Variants in THSD7B observed in about 807,000 individuals in gnomAD.
THSD7B encodes the protein thrombospondin type-1 domain-containing protein 7B.
A neutral mutation model predicts 213.6 loss-of-function variants in THSD7B; 138 were observed. The observed-to-expected ratio is 0.65, with a 90% CI of 0.56 to 0.74. The LOEUF is 0.74. THSD7B is among the 30% of genes least tolerant of loss of function. THSD7B has a pLI of 0.00. For synonymous variants in THSD7B, 742 were observed against 687.0 expected (o/e 1.08, Z -1.25); for missense variants, 1,931 against 1,991.5 (o/e 0.97, Z 0.58).
chr2:137,071,413 T>C (rs987214055), intron 3 of THSD7B, among the ~76,000 whole-genome samples: 2 of 152,210 alleles, frequency 1.3e-5, no homozygotes, highest in Admixed American at 1.3e-4. Context: ...TGTTTGTTTT[T>C]TTCTTGTAAA....
intron 15 of THSD7B, among the ~76,000 whole-genome samples, chr2:137,496,407 C>T (rs1487154585): frequency 2.0e-5 from 3 of 152,110 alleles, no homozygotes; most frequent in East Asian, 3.9e-4. Context: ...TGTTAATATG[C>T]GCTCTTACCC....
At chr2:136,992,891 A>G (rs1685815051) in intron 2 of THSD7B, among the ~76,000 whole-genome samples, 1 of 152,210 alleles carries the variant, frequency 6.6e-6, no homozygotes, top group African/African-American at 2.4e-5. Context: ...GCCCAACTTT[A>G]GATTATCTGA....
intron 1 of THSD7B, among the ~76,000 whole-genome samples, chr2:136,779,695 G>A (rs1681694729): frequency 6.6e-6 from 1 of 152,166 alleles, no homozygotes; most frequent in Non-Finnish European, 1.5e-5. Context: ...CCATGGAATG[G>A]CACTATAAAT....
At chr2:136,844,340 C>T (rs928971455) in intron 1 of THSD7B, among the ~76,000 whole-genome samples, 7 of 152,070 alleles carry the variant, frequency 4.6e-5, no homozygotes, top group Non-Finnish European at 7.4e-5. Flanking sequence ...AGCTTAGGAA[C>T]TGGGGCCACT....
intron 15 of THSD7B, among the ~76,000 whole-genome samples, chr2:137,493,993 G>A (rs1435000952): frequency 6.6e-6 from 1 of 152,054 alleles, no homozygotes; most frequent in East Asian, 1.9e-4. Context: ...ATTTTTGAAT[G>A]TAAAATTTTA....
At chr2:137,367,524 A>T (rs1457991187) in intron 12 of THSD7B, among the ~76,000 whole-genome samples, 2 of 152,168 alleles carry the variant, frequency 1.3e-5, no homozygotes, top group Non-Finnish European at 1.5e-5. Context: ...TCAAAAGGTC[A>T]CCAGTTTTTA....
intron 10 of THSD7B, among the ~76,000 whole-genome samples, chr2:137,268,807 G>A (rs1306422923): frequency 6.6e-6 from 1 of 152,136 alleles, no homozygotes; most frequent in African/African-American, 2.4e-5. Flanking sequence ...TCAAGATGGA[G>A]TTGCTCTGGT....
intron 2 of THSD7B, among the ~76,000 whole-genome samples, chr2:136,998,742 G>A (rs1028542752): frequency 6.6e-6 from 1 of 152,086 alleles, no homozygotes. Context: ...CTTTCTGGAG[G>A]ATAGGAACTT....
chr2:136,776,856 G>GTA (rs1446269802), intron 1 of THSD7B, among the ~76,000 whole-genome samples: 1 of 151,882 alleles, frequency 6.6e-6, no homozygotes, highest in Admixed American at 6.6e-5. Context: ...GCTCACACAC[G>GTA]TATGCACACA....
At chr2:137,197,651 G>T (rs1476912277) in intron 7 of THSD7B, among the ~76,000 whole-genome samples, 1 of 152,132 alleles carries the variant, frequency 6.6e-6, no homozygotes, top group Admixed American at 6.5e-5. Context: ...ATGCAGTACT[G>T]TTGGCGCTTT....
At chr2:136,910,745 T>G (rs1185336580) in intron 2 of THSD7B, among the ~76,000 whole-genome samples, 3 of 152,150 alleles carry the variant, frequency 2.0e-5, no homozygotes, top group African/African-American at 7.2e-5. Context: ...TTTGCTATTT[T>G]GTAAATATTA....
chr2:136,779,934 GAGAA>G (rs1363898151), intron 1 of THSD7B, among the ~76,000 whole-genome samples: 1 of 152,154 alleles, frequency 6.6e-6, no homozygotes, highest in Non-Finnish European at 1.5e-5. Flanking sequence ...ACTTGTGGAA[GAGAA>G]AGAGTCTGGT....
chr2:137,188,850 G>A (rs1014890093), intron 7 of THSD7B, among the ~76,000 whole-genome samples: 2 of 152,126 alleles, frequency 1.3e-5, no homozygotes, highest in East Asian at 1.9e-4. Flanking sequence ...GCCATACCAG[G>A]CATTTATCAG....
intron 12 of THSD7B, among the ~76,000 whole-genome samples, chr2:137,282,921 G>C (rs567288921): frequency 1.3e-5 from 2 of 152,218 alleles, no homozygotes; most frequent in South Asian, 4.2e-4. Context: ...CTTTAAAGTA[G>C]TTTTTTTCAA....
chr2:137,643,742 G>A (rs756035601), intron 21 of THSD7B, among the ~76,000 whole-genome samples: 34 of 152,138 alleles, frequency 2.2e-4, no homozygotes, highest in Non-Finnish European at 4.6e-4. Flanking sequence ...AGCCATTTCA[G>A]GGGAAGGGAG....
rs564291819 is a variant in THSD7B, at chr2:137,534,439, T to C, written c.3139-28782T>C. Among the ~76,000 whole-genome samples the C allele has an allele frequency of 7.9e-5, 12 of 151,830 alleles. No homozygotes were observed. The South Asian group carries it at 2.5e-3, about 31-fold the overall frequency. Reference sequence around the variant, plus strand: ...CAGTGAATATATATATTTTTTTCCATTTTTTCTCTGAGGAGACAGCAAAAT... The same window carrying C: ...CAGTGAATATATATATTTTTTTCCACTTTTTCTCTGAGGAGACAGCAAAAT... On this transcript the variant is annotated intron_variant, in intron 15 of 27. Transcript: ENST00000409968.
At chr2:137,226,152 TTA>T (rs1418735260) in intron 7 of THSD7B, among the ~76,000 whole-genome samples, 3 of 151,832 alleles carry the variant, frequency 2.0e-5, no homozygotes, top group African/African-American at 7.2e-5. Context: ...ACATAAAATT[TTA>T]TGACATGTAG....
intron 7 of THSD7B, among the ~76,000 whole-genome samples, chr2:137,175,145 C>G (rs1204462419): frequency 6.6e-6 from 1 of 152,144 alleles, no homozygotes; most frequent in African/African-American, 2.4e-5. Flanking sequence ...CTTTCATGTG[C>G]CCACAATGCA....
intron 1 of THSD7B, among the ~76,000 whole-genome samples, chr2:136,798,186 C>T (rs553596734): frequency 3.3e-5 from 5 of 151,882 alleles, no homozygotes; most frequent in Non-Finnish European, 7.4e-5. Flanking sequence ...TATTTTTCCA[C>T]TCTCATTAGA....
Sources: gnomAD v4.1 joint callset for allele counts (sites outside exome capture counted in the v4.1 genomes callset) on GRCh38, gnomAD v4.1.1 for gene constraint, MANE v1.5 for transcripts, NCBI Gene and HGNC (gene_info 2026-07-23, HGNC 2026-07-21) for gene names.